Variants in KCNH8 observed in about 807,000 individuals in gnomAD.
The protein encoded by KCNH8 is potassium voltage-gated channel subfamily H member 8, also known as voltage-gated delayed rectifier potassium channel KCNH8.
A neutral mutation model predicts 103.6 loss-of-function variants in KCNH8; 70 were observed. The ratio of observed to expected loss-of-function variants is 0.68; its 90% CI spans 0.56 to 0.82. KCNH8 has a LOEUF of 0.82. Ranked by LOEUF, KCNH8 falls within the 40% of genes least tolerant of loss-of-function variation. KCNH8 has a pLI of 0.00. For synonymous variants in KCNH8, 498 were observed against 489.4 expected (o/e 1.02, Z -0.23); for missense variants, 1,217 against 1,329.9 (o/e 0.92, Z 1.32).
chr3:19,218,189 A>G (rs1345731050), intron 1 of KCNH8, among the ~76,000 whole-genome samples: 1 of 152,220 alleles, frequency 6.6e-6, no homozygotes, highest in East Asian at 1.9e-4. Context: ...ATTTTAGAAT[A>G]TTTTAAAACT....
In KCNH8 at chr3:19,451,382, C is replaced by T. The variant is rs1177205694; in HGVS notation, c.1803C>T (p.Asp601=). Residue 601 remains aspartate, a synonymous_variant, in exon 10 of 16, where the codon GAC becomes GAT. Transcript: ENST00000328405. ...VCSGSMEVLK[D]SMVLAILGKG... is the part of the protein sequence containing the mutation. ...CGGGCTCCATGGAAGTTCTTAAAGA[C>T]AGCATGGTGCTGGCTATTCTTGGTA... is the stretch of plus-strand genomic sequence containing the variant. 6.2e-7 allele frequency: 1 copy of T among 1,613,670 alleles called. No individual in the cohort carries two copies. The highest frequency in any genetic ancestry group is 1.1e-5 in the South Asian group (1 of 91,080).
chr3:19,186,353 A>G (rs1212350952), intron 1 of KCNH8, among the ~76,000 whole-genome samples: 1 of 151,802 alleles, frequency 6.6e-6, no homozygotes, highest in Non-Finnish European at 1.5e-5. Flanking sequence ...AATGTCCTTT[A>G]CACTTGCACA....
intron 11 of KCNH8, among the ~76,000 whole-genome samples, chr3:19,475,669 C>A (rs2067959033): frequency 6.6e-6 from 1 of 152,062 alleles, no homozygotes; most frequent in Non-Finnish European, 1.5e-5. Context: ...ATAATTTCTC[C>A]CCCATGGAAA....
chr3:19,440,752 TAATA>T (rs1197541630), intron 8 of KCNH8, among the ~76,000 whole-genome samples: 3 of 152,318 alleles, frequency 2.0e-5, no homozygotes, highest in African/African-American at 7.2e-5. Flanking sequence ...ACCAATACAA[TAATA>T]AATAGTGAAC....
rs548637769 is a variant in KCNH8, at chr3:19,511,834, T to C, written c.2080-1136T>C. Among the ~76,000 whole-genome samples the C allele has an allele frequency of 3.9e-5, 6 of 152,314 alleles. No individual in the cohort carries two copies. In the South Asian group the frequency reaches 1.0e-3, roughly 26 times the overall value. ...AACTATGCATTTCACTCAGCACCTA[T>C]GGCCTAAACTGAACGGGCTATTGCC... On this transcript the variant is annotated intron_variant, in intron 12 of 15. Transcript: ENST00000328405.
At position 19,283,065 on chromosome 3, in the gene KCNH8, G is replaced by A. The variant is rs889647397; in HGVS notation, c.442+1736G>A. On this transcript the variant is annotated intron_variant, in intron 3 of 15. Transcript: ENST00000328405. Reference sequence around the variant, plus strand: ...CTCCCTAAAGAGAGAGAAGACAAAGGGGTCATCCTATACATGTCCATATCA... The same window carrying A: ...CTCCCTAAAGAGAGAGAAGACAAAGAGGTCATCCTATACATGTCCATATCA... Among the ~76,000 whole-genome samples the A allele has an allele frequency of 2.0e-5, 3 of 151,976 alleles. No individual in the cohort carries two copies. The East Asian group carries it at 5.8e-4, about 29-fold the overall frequency.
chr3:19,342,632 C>T lies in KCNH8; in HGVS notation c.488C>T (p.Ala163Val). Residue 163 changes from alanine to valine, a missense_variant, in exon 4 of 16, where the codon GCC (alanine) becomes GTC (valine). Coordinates refer to ENST00000328405, the MANE Select transcript of KCNH8 (RefSeq NM_144633.3). ...RSRAGTHFDS[A>V]RRRSRAVLYH... is the part of the protein sequence containing the mutation. ...AGAGCAGGGACCCACTTTGACTCAG[C>T]CCGGAGACGGAGTCGAGCAGTCCTT... 1 of 1,610,752 alleles carries T rather than the reference C, an allele frequency of 6.2e-7. No homozygotes were observed. The highest frequency in any genetic ancestry group is 8.5e-7 in the Non-Finnish European group (1 of 1,177,720).
At chr3:19,486,187 G>T (rs2068203818) in intron 11 of KCNH8, among the ~76,000 whole-genome samples, 1 of 152,212 alleles carries the variant, frequency 6.6e-6, no homozygotes, top group East Asian at 1.9e-4. Context: ...GGTCCTGAAG[G>T]TCAGGTCTGC....
At chr3:19,400,416 G>C (rs886066787) in intron 7 of KCNH8, among the ~76,000 whole-genome samples, 1 of 151,738 alleles carries the variant, frequency 6.6e-6, no homozygotes. Flanking sequence ...GTCTTGGTCA[G>C]TAGCTCCCAT....
chr3:19,153,917 C>A (rs2063155642), intron 1 of KCNH8, among the ~76,000 whole-genome samples: 1 of 152,114 alleles, frequency 6.6e-6, no homozygotes, highest in Non-Finnish European at 1.5e-5. Context: ...CAGGCGTGAG[C>A]CACTGCACCT....
At chr3:19,450,758 C>T (rs897355045) in intron 9 of KCNH8, 2 of 267,866 alleles carry the variant, frequency 7.5e-6, no homozygotes, top group Non-Finnish European at 1.4e-5. Context: ...ACCATTTCAT[C>T]AACCCACCAG....
chr3:19,431,621 G>GTTTGT (rs1267327649), intron 7 of KCNH8, among the ~76,000 whole-genome samples: 1 of 152,070 alleles, frequency 6.6e-6, no homozygotes, highest in African/African-American at 2.4e-5. Flanking sequence ...GGGTTTGTTT[G>GTTTGT]TTTGTTTTGT....
Position 19,533,387 on chromosome 3 carries a change from C to T in KCNH8, c.2620-8C>T. 6.3e-7 allele frequency: 1 copy of T among 1,592,296 alleles called. No individual in the cohort carries two copies. ...ACTATTGTCTTTCACTTTGCTCTAT[C>T]CACATAGGTAACAACATTGACTCAG... On this transcript the variant is annotated splice_region_variant and splice_polypyrimidine_tract_variant and intron_variant, in intron 15 of 15. Coordinates refer to ENST00000328405, the MANE Select transcript of KCNH8 (RefSeq NM_144633.3).
intron 15 of KCNH8, 121 bp from the exon 16 acceptor site, chr3:19,533,274 A>C: frequency 4.5e-6 from 3 of 664,676 alleles, no homozygotes; most frequent in Non-Finnish European, 7.7e-6. Flanking sequence ...ATGTTTAAGA[A>C]TAAATAAGTA....
chr3:19,477,025 T>C (rs927779867), intron 11 of KCNH8, among the ~76,000 whole-genome samples: 1 of 152,164 alleles, frequency 6.6e-6, no homozygotes, highest in African/African-American at 2.4e-5. Context: ...AAGAAAAATA[T>C]GGAATGCCTG....
intron 6 of KCNH8, 74 bp downstream of exon 6, chr3:19,390,712 G>A (rs1025028915): frequency 3.6e-5 from 51 of 1,430,486 alleles, no homozygotes; most frequent in Non-Finnish European, 4.7e-5. Context: ...TTAAATGCTT[G>A]TGGCGATTTA....
chr3:19,332,253 C>T (rs2065521227), intron 3 of KCNH8, among the ~76,000 whole-genome samples: 2 of 151,978 alleles, frequency 1.3e-5, no homozygotes, highest in Non-Finnish European at 1.5e-5. Flanking sequence ...TCATACCAAC[C>T]CCATCACCCT....
intron 3 of KCNH8, among the ~76,000 whole-genome samples, chr3:19,311,747 C>A (rs1408865924): frequency 3.3e-5 from 5 of 151,838 alleles, no homozygotes; most frequent in African/African-American, 1.2e-4. Context: ...GTTAGACACA[C>A]AACCCCATCA....
intron 7 of KCNH8, among the ~76,000 whole-genome samples, chr3:19,403,566 G>T (rs184445844): frequency 6.6e-6 from 1 of 151,058 alleles, no homozygotes; most frequent in Non-Finnish European, 1.5e-5. Context: ...AAGGTATAAG[G>T]TATACCTTAT....
Sources: gnomAD v4.1 joint callset for allele counts (sites outside exome capture counted in the v4.1 genomes callset) on GRCh38, gnomAD v4.1.1 for gene constraint, MANE v1.5 for transcripts, NCBI Gene and HGNC (gene_info 2026-07-23, HGNC 2026-07-21) for gene names.